The following DLGAP4 variants were observed in gnomAD, a reference collection of about 807,000 sequenced individuals.
DLGAP4 encodes the protein disks large-associated protein 4.
A neutral mutation model predicts 86.9 loss-of-function variants in DLGAP4; 18 were observed. The ratio of observed to expected loss-of-function variants is 0.21; its 90% CI spans 0.14 to 0.31. The LOEUF (loss-of-function observed/expected upper bound fraction) is 0.31. Among genes scored for constraint, DLGAP4 ranks in the 10% least tolerant of loss-of-function variants. The probability of loss-of-function intolerance (pLI) is 1.00; values close to 1 mark genes in which losing one functional copy is unlikely to be tolerated. For missense variants in DLGAP4, 1,085 were observed against 1,362.6 expected, an observed-to-expected ratio of 0.80 and a Z score of 3.21; for synonymous variants, 548 against 574.3, an observed-to-expected ratio of 0.95 and a Z score of 0.65.
intron 2 of DLGAP4, among the ~76,000 whole-genome samples, chr20:36,402,106 G>A (rs1252639734): frequency 6.6e-6 from 1 of 152,204 alleles, no homozygotes; most frequent in African/African-American, 2.4e-5. Flanking sequence ...GGGCCAGGAA[G>A]ACACATGTCA....
intron 7 of DLGAP4, among the ~76,000 whole-genome samples, chr20:36,490,600 G>A (rs748629274): frequency 3.9e-5 from 6 of 152,264 alleles, no homozygotes; most frequent in Admixed American, 1.3e-4. Flanking sequence ...CCTTGAGCCC[G>A]GCCCCACTGT....
chr20:36,515,366 TTGTC>T (rs2036976520), intron 10 of DLGAP4, among the ~76,000 whole-genome samples: 1 of 152,218 alleles, frequency 6.6e-6, no homozygotes. Context: ...TGATTAGTGT[TTGTC>T]TGGTATATCT....
intron 10 of DLGAP4, among the ~76,000 whole-genome samples, chr20:36,520,138 T>C (rs2147851330): frequency 6.6e-6 from 1 of 152,298 alleles, no homozygotes; most frequent in Middle Eastern, 3.4e-3. Flanking sequence ...TGCAGTTCCC[T>C]GATGACTAAT....
chr20:36,306,482 G>A lies in DLGAP4; in HGVS notation c.-334G>A, dbSNP rs1418241261. ...CGGCGGCGCAGCGGAACGGCAGAGCGGGCCGGAGGCGGCCGAGGCGCCCGG... is the reference window on the plus strand; with the variant it reads ...CGGCGGCGCAGCGGAACGGCAGAGCAGGCCGGAGGCGGCCGAGGCGCCCGG... On this transcript the variant is annotated 5_prime_UTR_variant, in exon 1 of 13. Transcript: ENST00000339266. The surrounding 1 kb of genome is among the most constrained non-coding windows in gnomAD (Gnocchi z 4.9). 1 of 150,568 alleles carries A rather than the reference G, an allele frequency of 6.6e-6. No individual in the cohort carries two copies. The highest frequency in any genetic ancestry group is 1.5e-5 in the Non-Finnish European group (1 of 67,304). The allele number at this position is 150,568 out of a possible 1,614,324, so 9.3% of individuals were successfully genotyped here. A position where few individuals can be genotyped will look rare whatever the true frequency, so the allele number is the denominator to read the frequency against.
intron 7 of DLGAP4, among the ~76,000 whole-genome samples, chr20:36,448,488 G>A (rs551408468): frequency 6.6e-6 from 1 of 152,316 alleles, no homozygotes; most frequent in African/African-American, 2.4e-5. Flanking sequence ...ATAAATTGAG[G>A]GCATAAGCCA....
chr20:36,343,235 T>C (rs1242269556), intron 1 of DLGAP4, among the ~76,000 whole-genome samples: 1 of 152,180 alleles, frequency 6.6e-6, no homozygotes, highest in Non-Finnish European at 1.5e-5. Flanking sequence ...AGGAGACGGC[T>C]GCAGACATCG....
intron 12 of DLGAP4, 113 bp from the exon 13 acceptor site, chr20:36,526,693 GTGCCCGA>G: frequency 1.1e-6 from 1 of 889,896 alleles, no homozygotes; most frequent in South Asian, 1.8e-5. Context: ...TGTGTTGCTT[GTGCCCGA>G]TGCGGGGAGG....
At chr20:36,508,419 G>GTTTTTT (rs1569523131) in intron 10 of DLGAP4, 14 of 134,594 alleles carry the variant, frequency 1.0e-4, no homozygotes, top group African/African-American at 4.2e-4. Flanking sequence ...ATGTTTCAGG[G>GTTTTTT]TTCTTTTTTT....
intron 2 of DLGAP4, among the ~76,000 whole-genome samples, chr20:36,395,994 C>T (rs2031936491): frequency 6.6e-6 from 1 of 152,080 alleles, no homozygotes; most frequent in Non-Finnish European, 1.5e-5. Flanking sequence ...GAGGCCCAGG[C>T]CTGCCTGGTC....
chr20:36,497,759 T>C (rs1392292034), intron 8 of DLGAP4: 1 of 414,262 alleles, frequency 2.4e-6, no homozygotes, highest in Admixed American at 6.4e-5. Context: ...AGGGCAGGTG[T>C]GCCAGCTTCC....
rs2147620836 is a variant in DLGAP4, at chr20:36,462,311, C to T, written c.1648+15374C>T. The T allele has an allele frequency of 2.2e-6, 3 of 1,345,972 alleles. No homozygotes were observed. In the East Asian group the frequency reaches 9.7e-5, roughly 44 times the overall value. 83.4% of individuals were successfully genotyped at this position (1,345,972 alleles called of 1,614,324 possible). A position where few individuals can be genotyped will look rare whatever the true frequency, so the allele number is the denominator to read the frequency against. On this transcript the variant is annotated intron_variant, in intron 7 of 12. Coordinates refer to ENST00000339266, the MANE Select transcript of DLGAP4 (RefSeq NM_001365621.2). ...GTTCTCTCTCAGGTCTCCGAGCACC[C>T]CCACTTCTCGGGATCGGGGTCCCCT...
intron 1 of DLGAP4, among the ~76,000 whole-genome samples, chr20:36,343,241 C>T (rs1242144274): frequency 6.6e-6 from 1 of 152,184 alleles, no homozygotes; most frequent in Non-Finnish European, 1.5e-5. Context: ...CGGCTGCAGA[C>T]ATCGTGGCAA....
At chr20:36,319,982 G>T (rs1600395053) in intron 1 of DLGAP4, among the ~76,000 whole-genome samples, 1 of 150,958 alleles carries the variant, frequency 6.6e-6, no homozygotes, top group African/African-American at 2.4e-5. Flanking sequence ...CACTCCCCCG[G>T]GCCTCCCTCT....
At chr20:36,438,926 C>T (rs1180440444) in intron 4 of DLGAP4, among the ~76,000 whole-genome samples, 1 of 151,992 alleles carries the variant, frequency 6.6e-6, no homozygotes, top group African/African-American at 2.4e-5. Flanking sequence ...GCCTAGTTTC[C>T]CCATCTTTAA....
At chr20:36,388,649 G>A (rs945936225) in intron 2 of DLGAP4, among the ~76,000 whole-genome samples, 1 of 152,170 alleles carries the variant, frequency 6.6e-6, no homozygotes, top group Admixed American at 6.5e-5. Context: ...GTGTGACTCT[G>A]GGAAAGGCAG....
At chr20:36,311,723 A>T (rs2065055031) in intron 1 of DLGAP4, among the ~76,000 whole-genome samples, 1 of 152,148 alleles carries the variant, frequency 6.6e-6, no homozygotes, top group African/African-American at 2.4e-5. Flanking sequence ...TGGAAGAGGA[A>T]ACTGGGGCAC....
intron 7 of DLGAP4, among the ~76,000 whole-genome samples, chr20:36,467,455 A>C (rs561805096): frequency 2.0e-5 from 3 of 152,134 alleles, no homozygotes; most frequent in Non-Finnish European, 4.4e-5. Flanking sequence ...TGGAGCCAGG[A>C]GGTTGTAGGC....
chr20:36,383,673 CAAATAGAAAT>C lies in DLGAP4; in HGVS notation c.-73+16400_-73+16409del, dbSNP rs1362074207. ...ACTGGTCTCTGGAATGAAAGAGATG[CAAATAGAAAT>C]AGACCTGGAAGGCCGGGCGCAGTGG... On this transcript the variant is annotated intron_variant, in intron 2 of 12. Transcript: ENST00000339266. 1.1e-4 allele frequency among the ~76,000 whole-genome samples: 16 copies of C among 151,912 alleles called. No individual in the cohort carries two copies. The East Asian group carries it at 2.9e-3, about 28-fold the overall frequency.
chr20:36,512,769 G>C (rs530550147), intron 10 of DLGAP4: 2 of 152,012 alleles, frequency 1.3e-5, no homozygotes, highest in Non-Finnish European at 2.9e-5. Flanking sequence ...CTGGGGAGAA[G>C]AACTTTTCAG....
Sources: gnomAD v4.1 joint callset for allele counts (sites outside exome capture counted in the v4.1 genomes callset) on GRCh38, gnomAD v4.1.1 for gene constraint, Gnocchi (gnomAD v3.1) non-coding constraint, MANE v1.5 for transcripts, NCBI Gene and HGNC (gene_info 2026-07-23, HGNC 2026-07-21) for gene names.